Variants in MCM2 observed in about 807,000 individuals in gnomAD.
MCM2 encodes the protein minichromosome maintenance complex component 2, also known as DNA replication licensing factor MCM2.
Under a neutral mutation model 86.4 loss-of-function variants are expected in MCM2, and 49 were observed. The observed-to-expected ratio is 0.57, with a 90% CI of 0.45 to 0.72. The LOEUF (loss-of-function observed/expected upper bound fraction) is 0.72, where lower values mean the gene tolerates loss of function less well. Among genes scored for constraint, MCM2 ranks in the 30% least tolerant of loss-of-function variants. The pLI, the probability that MCM2 is intolerant of heterozygous loss-of-function variation, is 0.00. For synonymous variants in MCM2, 475 were observed against 484.6 expected (o/e 0.98, Z 0.26); for missense variants, 1,038 against 1,259.9 (o/e 0.82, Z 2.67).
rs1365897597 is a variant in MCM2, at chr3:127,617,680, T to C, written c.1900+275T>C. On this transcript the variant is annotated intron_variant, in intron 11 of 15. Transcript: ENST00000265056. This position sits in a 1 kb window ranked among gnomAD's most constrained non-coding sequence, Gnocchi z 4.1. ...CAGTGCCCCTCTGGCCAGGATGGAGTTGGCTGTTGGTCTCAGCAGCGAATG... is the reference window on the plus strand; with the variant it reads ...CAGTGCCCCTCTGGCCAGGATGGAGCTGGCTGTTGGTCTCAGCAGCGAATG... The C allele has an allele frequency of 3.4e-6, 2 of 591,244 alleles. No homozygotes were observed. Among genetic ancestry groups the C allele is most frequent in the East Asian group, 2.9e-5 (1 of 35,030 alleles). The allele number at this position is 591,244 out of a possible 1,614,324, so 36.6% of individuals were successfully genotyped here.
At chr3:127,598,733 C>G (rs1297895822) in intron 1 of MCM2, 6 of 529,612 alleles carry the variant, frequency 1.1e-5, no homozygotes, top group African/African-American at 4.1e-5. Context: ...TTATTGGGCG[C>G]CATCTGTGTG....
chr3:127,618,604 G>T lies in MCM2; in HGVS notation c.2014-423G>T, dbSNP rs1248359355. ...CTCTCTCAAAAGGGCCGAGCCTTGG[G>T]GCTTGATTGTGCTCCTTGCTCCTGG... On this transcript the variant is annotated intron_variant, in intron 12 of 15. Coordinates refer to ENST00000265056, the MANE Select transcript of MCM2 (RefSeq NM_004526.4). This position sits in a 1 kb window ranked among gnomAD's most constrained non-coding sequence, Gnocchi z 4.0. 1.3e-5 allele frequency among the ~76,000 whole-genome samples: 2 copies of T among 152,010 alleles called. No homozygotes were observed. The highest frequency in any genetic ancestry group is 3.9e-4 in the East Asian group (2 of 5,168).
At chr3:127,601,388 T>C (rs2074305486) in intron 2 of MCM2, among the ~76,000 whole-genome samples, 1 of 152,176 alleles carries the variant, frequency 6.6e-6, no homozygotes, top group Middle Eastern at 3.2e-3. Flanking sequence ...TGTTTTTGAG[T>C]TTTGCTCTGT....
chr3:127,609,474 T>G (rs930881618), intron 8 of MCM2, among the ~76,000 whole-genome samples: 3 of 151,808 alleles, frequency 2.0e-5, no homozygotes, highest in African/African-American at 2.4e-5. Context: ...ATGGTGGTGT[T>G]TTTTGTTTTT....
At chr3:127,604,852 G>A (rs367797626) in intron 3 of MCM2, 44 bp from the exon 4 acceptor site, 29 of 1,581,584 alleles carry the variant, frequency 1.8e-5, no homozygotes, top group Non-Finnish European at 2.2e-5. Context: ...GGAGTAGAAG[G>A]TGCTGGGGAT....
chr3:127,602,264 A>G (rs1452967324), intron 2 of MCM2, among the ~76,000 whole-genome samples: 1 of 151,428 alleles, frequency 6.6e-6, no homozygotes, highest in African/African-American at 2.4e-5. Flanking sequence ...CTTTTCCCCG[A>G]AAACATGGAA....
intron 13 of MCM2, 28 bp from the exon 14 acceptor site, chr3:127,620,670 A>G: frequency 6.5e-7 from 1 of 1,547,916 alleles, no homozygotes; most frequent in Non-Finnish European, 8.7e-7. Context: ...CCTGCCCGTG[A>G]AAGACCTGAC....
intron 2 of MCM2, among the ~76,000 whole-genome samples, chr3:127,604,054 G>A (rs2074326462): frequency 6.6e-6 from 1 of 152,202 alleles, no homozygotes; most frequent in South Asian, 2.1e-4. Flanking sequence ...CTCCCAAAGT[G>A]CTGGAATTAT....
intron 2 of MCM2, among the ~76,000 whole-genome samples, chr3:127,600,935 A>G (rs2074303153): frequency 6.6e-6 from 1 of 152,068 alleles, no homozygotes; most frequent in African/African-American, 2.4e-5. Flanking sequence ...CCCTTGCGAA[A>G]ATATAATTCA....
chr3:127,617,941 CT>C lies in MCM2; in HGVS notation c.1901-27del. On this transcript the variant is annotated intron_variant, in intron 11 of 15. Transcript: ENST00000265056. The surrounding 1 kb of genome is among the most constrained non-coding windows in gnomAD (Gnocchi z 4.1). ...AGATGGGAGGATAGGGGAATCCACC[CT>C]GATGGAGGTGCTCCCCTGTGTTTCA... is the stretch of plus-strand genomic sequence containing the variant. 1 of 1,576,292 alleles carries C rather than the reference CT, an allele frequency of 6.3e-7. No individual in the cohort carries two copies.
In MCM2 at chr3:127,611,682, CTTTTTTTTTTTTTTT is replaced by C. The variant is rs59607211; in HGVS notation, c.1428+2679_1428+2693del. ...AAGCCCTGCAGGCTTCTGCAGCTGA[CTTTTTTTTTTTTTTT>C]TTTTTTTTTTTTTTTTTTTGAGACG... On this transcript the variant is annotated intron_variant, in intron 8 of 15. Coordinates refer to ENST00000265056, the MANE Select transcript of MCM2 (RefSeq NM_004526.4). 7.6e-3 allele frequency among the ~76,000 whole-genome samples: 413 copies of C among 54,284 alleles called. 7 individuals carry two copies. Among genetic ancestry groups the C allele is most frequent in the African/African-American group, 0.031 (383 of 12,426 alleles). 35.6% of individuals were successfully genotyped at this position (54,284 alleles called of 152,430 possible).
Position 127,604,958 on chromosome 3 carries a change from G to A in MCM2, c.475G>A (p.Glu159Lys). ...RKRRQVERAT[E>K]DGEEDEEMIE... is the part of the protein sequence containing the mutation. ...GCGCCGCCAGGTGGAGCGGGCCACG[G>A]AGGACGGCGAGGAGGACGAGGAGAT... Residue 159 changes from glutamate to lysine, a missense_variant, in exon 4 of 16, where the codon GAG (glutamate) becomes AAG (lysine). Around this residue, in one of 4 missense-constraint regions of MCM2, gnomAD observed 300 missense variants for 307.4 expected, o/e 0.98. Coordinates refer to ENST00000265056, the MANE Select transcript of MCM2 (RefSeq NM_004526.4). The A allele has an allele frequency of 6.2e-7, 1 of 1,606,712 alleles. No individual in the cohort carries two copies. Among genetic ancestry groups the A allele is most frequent in the South Asian group, 1.1e-5 (1 of 90,842 alleles).
In MCM2 at chr3:127,618,151, C is replaced by A; in HGVS notation, c.2013+70C>A. On this transcript the variant is annotated intron_variant, in intron 12 of 15. Coordinates refer to ENST00000265056, the MANE Select transcript of MCM2 (RefSeq NM_004526.4). This position sits in a 1 kb window ranked among gnomAD's most constrained non-coding sequence, Gnocchi z 4.0. ...ACCTCAGGTGAGGCTTGGGGTCATA[C>A]AGTGTGCCCAACACAGGGGACAGGT... 3 of 1,231,640 alleles carry A rather than the reference C, an allele frequency of 2.4e-6. No individual in the cohort carries two copies. Among genetic ancestry groups the A allele is most frequent in the Non-Finnish European group, 3.6e-6 (3 of 844,210 alleles). 76.3% of individuals were successfully genotyped at this position (1,231,640 alleles called of 1,614,324 possible).
intron 8 of MCM2, among the ~76,000 whole-genome samples, chr3:127,609,770 C>G (rs922153224): frequency 6.6e-6 from 1 of 151,722 alleles, no homozygotes; most frequent in Non-Finnish European, 1.5e-5. Context: ...CCCAGAGCAC[C>G]GTGTGTTCTC....
In MCM2 at chr3:127,599,421, C is replaced by T. The variant is rs1055207216; in HGVS notation, c.110C>T (p.Ala37Val). The T allele has an allele frequency of 3.7e-6, 6 of 1,614,054 alleles. No homozygotes were observed. The Admixed American group carries it at 6.7e-5, about 18-fold the overall frequency. Residue 37 changes from alanine (A) to valine (V), a missense_variant, in exon 2 of 16, where the codon GCC (alanine) becomes GTC (valine). This residue lies in a region of MCM2 where 300 missense variants were observed against 307.4 expected (regional missense o/e 0.98). Transcript: ENST00000265056. The part of the protein sequence containing the change: ...SPGRSSRRTD[A>V]LTSSPGRDLP... ...GGCCGAAGCTCCCGGCGTACTGATG[C>T]CCTCACCTCCAGCCCTGGCCGTGAC...
chr3:127,614,382 C>T (rs1260547103), intron 8 of MCM2, among the ~76,000 whole-genome samples: 2 of 152,230 alleles, frequency 1.3e-5, no homozygotes, highest in Non-Finnish European at 2.9e-5. Context: ...CCCCTTCCCC[C>T]TGTTTTTTAC....
chr3:127,611,000 C>T (rs755915617), intron 8 of MCM2: 3 of 455,898 alleles, frequency 6.6e-6, no homozygotes, highest in South Asian at 4.6e-5. Flanking sequence ...GTAAGTCAGA[C>T]ATGACCCTTG....
At position 127,617,256 on chromosome 3, in the gene MCM2, G is replaced by T. The variant is rs2074440702; in HGVS notation, c.1774-23G>T. The T allele has an allele frequency of 2.5e-6, 4 of 1,613,976 alleles. No individual in the cohort carries two copies. The highest frequency in any genetic ancestry group is 3.4e-6 in the Non-Finnish European group (4 of 1,179,904). ...TAGTAGGGGCGTGAACCATGCTAAG[G>T]GTGGGCCATTTTAATCTTGCAGATG... On this transcript the variant is annotated intron_variant, in intron 10 of 15. Coordinates refer to ENST00000265056, the MANE Select transcript of MCM2 (RefSeq NM_004526.4). The surrounding 1 kb of genome is among the most constrained non-coding windows in gnomAD (Gnocchi z 4.1).
At position 127,605,030 on chromosome 3, in the gene MCM2, C is replaced by T. The variant is rs758068207; in HGVS notation, c.547C>T (p.Arg183Cys). ...NLEDLKGHSV[R>C]EWVSMAGPRL... ...GGAGGATCTCAAAGGCCACTCTGTG[C>T]GCGAGTGGGTGAGCATGGCGGGCCC... is the stretch of plus-strand genomic sequence containing the variant. The change falls in exon 4 of 16, where the codon CGC becomes TGC. Residue 183 changes from arginine to cysteine, a missense_variant. Physicochemically the swap from Arg to Cys is radical, Grantham distance 180. Transcript: ENST00000265056. The T allele has an allele frequency of 6.2e-6, 10 of 1,614,142 alleles. No individual in the cohort carries two copies. Among genetic ancestry groups the T allele is most frequent in the Admixed American group, 1.7e-5 (1 of 60,034 alleles).
Sources: allele counts gnomAD v4.1 joint callset (sites outside exome capture counted in the v4.1 genomes callset), GRCh38; gene constraint gnomAD v4.1.1; regional missense constraint gnomAD v4.1.1; non-coding constraint Gnocchi (gnomAD v3.1); transcripts MANE v1.5; gene names NCBI Gene and HGNC (gene_info 2026-07-23, HGNC 2026-07-21).